MLIP: variants seen among roughly 807,000 people sequenced by gnomAD.
MLIP encodes the protein muscular LMNA-interacting protein.
A neutral mutation model predicts 84.8 loss-of-function variants in MLIP; 79 were observed. That is an observed-to-expected ratio of 0.93 (90% confidence interval 0.78 to 1.12). The LOEUF (loss-of-function observed/expected upper bound fraction) is 1.12. Among genes scored for constraint, MLIP ranks in the 50% most tolerant of loss-of-function variants. The pLI is 0.00. For missense variants in MLIP, 1,257 were observed against 1,160.6 expected (o/e 1.08, Z -1.21); for synonymous variants, 504 against 463.0 (o/e 1.09, Z -1.14).
intron 1 of MLIP, among the ~76,000 whole-genome samples, chr6:54,116,569 AC>A (rs1477503683): frequency 6.6e-6 from 1 of 152,222 alleles, no homozygotes; most frequent in Non-Finnish European, 1.5e-5. Context: ...TCTGAACAGA[AC>A]AGTCATGAAT....
intron 5 of MLIP, 135 bp downstream of exon 5, chr6:54,149,262 G>T: frequency 1.3e-6 from 1 of 780,798 alleles, no homozygotes; most frequent in Non-Finnish European, 2.1e-6. Context: ...CTTAGTTTAG[G>T]ATGATGTGGT....
At chr6:54,198,093 A>T (rs1353642723) in intron 10 of MLIP, among the ~76,000 whole-genome samples, 2 of 152,142 alleles carry the variant, frequency 1.3e-5, no homozygotes, top group Non-Finnish European at 1.5e-5. Flanking sequence ...ATCTATCTCT[A>T]CATGAGCAGC....
chr6:54,167,102 G>A (rs1378581673), intron 8 of MLIP, among the ~76,000 whole-genome samples: 1 of 151,878 alleles, frequency 6.6e-6, no homozygotes, highest in Non-Finnish European at 1.5e-5. Context: ...TTGTTGGATA[G>A]TACAAGAGTT....
At chr6:54,155,203 CT>C (rs1041228825) in intron 5 of MLIP, among the ~76,000 whole-genome samples, 4 of 152,064 alleles carry the variant, frequency 2.6e-5, no homozygotes, top group South Asian at 2.1e-4. Context: ...TTGCAGTGTA[CT>C]TTTTTTCCTT....
intron 2 of MLIP, 90 bp from the exon 3 acceptor site, chr6:54,124,383 T>A: frequency 1.7e-6 from 2 of 1,186,288 alleles, no homozygotes; most frequent in Non-Finnish European, 2.3e-6. Flanking sequence ...TTTGAAAATA[T>A]AAGGAGGTTA....
intron 4 of MLIP, among the ~76,000 whole-genome samples, chr6:54,138,546 A>G (rs1321884): frequency 0.35 from 53,821 of 151,902 alleles, 10,839 homozygotes; most frequent in African/African-American, 0.55. Context: ...TATGACTCCA[A>G]GGGTATTATT....
chr6:54,180,372 G>A (rs1776729583), intron 9 of MLIP, among the ~76,000 whole-genome samples: 1 of 152,004 alleles, frequency 6.6e-6, no homozygotes, highest in African/African-American at 2.4e-5. Context: ...CTCTAGGTTT[G>A]GGAAATTTCT....
chr6:54,230,579 G>A (rs943616246), intron 11 of MLIP, 135 bp from the exon 12 acceptor site: 1 of 754,986 alleles, frequency 1.3e-6, no homozygotes, highest in Non-Finnish European at 2.3e-6. Flanking sequence ...GTCTCATGAG[G>A]GACACCATCT....
chr6:54,208,383 T>C (rs1779190123), intron 11 of MLIP, among the ~76,000 whole-genome samples: 1 of 151,968 alleles, frequency 6.6e-6, no homozygotes, highest in Non-Finnish European at 1.5e-5. Context: ...CCCAGGAGTC[T>C]GAGACCAGCC....
chr6:54,020,413 C>A, intron 1 of MLIP, among the ~76,000 whole-genome samples: 1 of 151,980 alleles, frequency 6.6e-6, no homozygotes, highest in African/African-American at 2.4e-5. Flanking sequence ...AAAAGGAAAC[C>A]CAGATATGGT....
At chr6:54,194,701 C>G (rs920727198) in intron 10 of MLIP, among the ~76,000 whole-genome samples, 3 of 151,606 alleles carry the variant, frequency 2.0e-5, no homozygotes, top group Admixed American at 2.0e-4. Context: ...CAAGTTTTGT[C>G]ATGCATATTA....
chr6:54,045,842 C>T (rs1765018596), intron 1 of MLIP: 1 of 152,216 alleles, frequency 6.6e-6, no homozygotes, highest in African/African-American at 2.4e-5. Context: ...AACTGTGAGC[C>T]AATTAAACAT....
chr6:54,043,653 G>C (rs1039056587), intron 1 of MLIP, among the ~76,000 whole-genome samples: 2 of 152,210 alleles, frequency 1.3e-5, no homozygotes. Flanking sequence ...GTCTGGTACA[G>C]AGATAGGATG....
At chr6:54,224,815 A>G (rs762656459) in intron 11 of MLIP, among the ~76,000 whole-genome samples, 3 of 151,940 alleles carry the variant, frequency 2.0e-5, no homozygotes, top group Non-Finnish European at 4.4e-5. Context: ...GCTCCCACAT[A>G]TCACTGAGAA....
rs1463874717 is a variant in MLIP, at chr6:54,231,876, T to A, written c.2922+959T>A. On this transcript the variant is annotated intron_variant, in intron 12 of 13. Coordinates refer to ENST00000502396, the MANE Select transcript of MLIP (RefSeq NM_001281747.2). ...AAGAAAAAAATGTCAATAAACCCTG[T>A]CTAAATGCAAACAGTCATCTAAAAG... is the stretch of plus-strand genomic sequence containing the variant. 3.3e-5 allele frequency among the ~76,000 whole-genome samples: 5 copies of A among 152,132 alleles called. No individual in the cohort carries two copies. In the East Asian group the frequency reaches 9.6e-4, roughly 29 times the overall value.
intron 2 of MLIP, 60 bp from the exon 3 acceptor site, chr6:54,124,413 C>CA: frequency 6.7e-7 from 1 of 1,485,560 alleles, no homozygotes; most frequent in Non-Finnish European, 9.0e-7. Context: ...GTGTACATGC[C>CA]AAAAAAGAAG....
At chr6:54,261,880 C>T in intron 13 of MLIP, 2 of 314,240 alleles carry the variant, frequency 6.4e-6, no homozygotes, top group Non-Finnish European at 9.2e-6. Context: ...TCTTGGATTG[C>T]TGAGAGTTGA....
chr6:54,169,551 A>G lies in MLIP; in HGVS notation c.2523A>G (p.Ala841=). The G allele has an allele frequency of 6.3e-7, 1 of 1,591,040 alleles. No homozygotes were observed. The highest frequency in any genetic ancestry group is 1.4e-5 in the African/African-American group (1 of 73,874). The change falls in exon 9 of 14, where the codon GCA becomes GCG. Residue 841 remains alanine, a synonymous_variant. Transcript: ENST00000502396. ...TVKTPTTLPR[A]AGRETKYANL... is the part of the protein sequence containing the mutation. ...AGACTCCTACAACTCTTCCAAGAGC[A>G]GCTGGTCGAGAAACCAAATATGTAA...
chr6:54,207,718 A>G (rs527685936), intron 11 of MLIP, among the ~76,000 whole-genome samples: 16 of 152,348 alleles, frequency 1.1e-4, no homozygotes, highest in African/African-American at 3.6e-4. Context: ...ATTTACTAGG[A>G]AACAATGACC....
Sources: allele counts gnomAD v4.1 joint callset (sites outside exome capture counted in the v4.1 genomes callset), GRCh38; gene constraint gnomAD v4.1.1; transcripts MANE v1.5; gene names NCBI Gene and HGNC (gene_info 2026-07-23, HGNC 2026-07-21).